TST: variants seen among roughly 807,000 people sequenced by gnomAD.
TST encodes the protein thiosulfate sulfurtransferase.
A neutral mutation model predicts 20.4 loss-of-function variants in TST; 22 were observed. The observed-to-expected ratio is 1.08, with a 90% CI of 0.77 to 1.54. The LOEUF (loss-of-function observed/expected upper bound fraction) is 1.54. TST is among the 40% of genes most tolerant of loss of function. TST has a pLI of 0.00. For missense variants in TST, 392 were observed against 405.2 expected (o/e 0.97, Z 0.28); for synonymous variants, 187 against 173.8 (o/e 1.08, Z -0.60).
rs1372255593 is a variant in TST at position 37,018,066 on chromosome 22, C to G, written c.595+72G>C. On this transcript the variant is annotated intron_variant, in intron 2 of 2. Coordinates refer to ENST00000249042, the MANE Select transcript of TST (RefSeq NM_003312.6). ...CATGGGACGGACCCTGGAGAGGGTC[C>G]CAGTCATCCTTACTCCCTATCCTTC... 47 of 1,206,908 alleles carry G rather than the reference C, an allele frequency of 3.9e-5. 2 individuals carry two copies. In the South Asian group the frequency reaches 7.2e-4, roughly 18 times the overall value. 74.8% of individuals were successfully genotyped at this position (1,206,908 alleles called of 1,614,324 possible).
intron 1 of TST, 109 bp from the exon 2 acceptor site, chr22:37,018,862 G>T: frequency 1.3e-6 from 1 of 791,898 alleles, no homozygotes; most frequent in Non-Finnish European, 1.9e-6. Flanking sequence ...ACTCCCCCGG[G>T]TTCCTTGTTT....
rs1484567217 is a variant in TST, at chr22:37,019,422, G to T, written c.-44C>A. On this transcript the variant is annotated 5_prime_UTR_variant, in exon 1 of 3. Coordinates refer to ENST00000249042, the MANE Select transcript of TST (RefSeq NM_003312.6). ...CACTCGCCCCGGACGCCGCGCTGGC[G>T]CTCGCCCCGGCCGGCTGGAGAAGTT... 3.3e-5 allele frequency: 5 copies of T among 151,524 alleles called. No homozygotes were observed. The highest frequency in any genetic ancestry group is 7.4e-5 in the Non-Finnish European group (5 of 67,894). The allele number at this position is 151,524 out of a possible 1,614,324, so 9.4% of individuals were successfully genotyped here. A position where few individuals can be genotyped will look rare whatever the true frequency, so the allele number is the denominator to read the frequency against.
At position 37,010,992 on chromosome 22, in the gene TST, C is replaced by T. The variant is rs748374992; in HGVS notation, c.*35G>A. On this transcript the variant is annotated 3_prime_UTR_variant, in exon 3 of 3. Transcript: ENST00000249042. Reference sequence around the variant, plus strand: ...GCTGTAAGTCATGGGGTCACTAAACCGGCCGCAGTTACAGTAAGCAGAAGA... The same window carrying T: ...GCTGTAAGTCATGGGGTCACTAAACTGGCCGCAGTTACAGTAAGCAGAAGA... 84 of 1,578,470 alleles carry T rather than the reference C, an allele frequency of 5.3e-5. No homozygotes were observed. The highest frequency in any genetic ancestry group is 6.4e-5 in the Non-Finnish European group (74 of 1,159,184).
At chr22:37,011,792 C>T (rs983329201) in intron 2 of TST, among the ~76,000 whole-genome samples, 6 of 152,194 alleles carry the variant, frequency 3.9e-5, no homozygotes, top group Non-Finnish European at 5.9e-5. Context: ...CTGGGAGATT[C>T]CAGTCTAACA....
At chr22:37,016,492 G>T (rs550542133) in intron 2 of TST, among the ~76,000 whole-genome samples, 32 of 152,202 alleles carry the variant, frequency 2.1e-4, no homozygotes, top group African/African-American at 7.7e-4. Context: ...CCCACTGCAG[G>T]CCATTCTCCT....
intron 2 of TST, among the ~76,000 whole-genome samples, chr22:37,012,376 G>T (rs962844222): frequency 6.6e-6 from 1 of 152,222 alleles, no homozygotes; most frequent in South Asian, 2.1e-4. Context: ...TGGGGCAAAG[G>T]GGAAAGCCAT....
chr22:37,015,294 C>G (rs1053261714), intron 2 of TST, among the ~76,000 whole-genome samples: 2 of 152,234 alleles, frequency 1.3e-5, no homozygotes, highest in Non-Finnish European at 2.9e-5. Context: ...TGCTCATTAG[C>G]GGGTCGATAC....
chr22:37,014,638 A>T (rs1922608609), intron 2 of TST, among the ~76,000 whole-genome samples: 1 of 152,116 alleles, frequency 6.6e-6, no homozygotes, highest in African/African-American at 2.4e-5. Context: ...CAGAGAGGTG[A>T]TGTCGCTTGC....
At chr22:37,017,937 A>C (rs1167228748) in intron 2 of TST, among the ~76,000 whole-genome samples, 2 of 152,180 alleles carry the variant, frequency 1.3e-5, no homozygotes, top group Non-Finnish European at 2.9e-5. Context: ...ATGAGGACAC[A>C]TTCTTGGGTC....
chr22:37,017,645 G>A (rs1922728792), intron 2 of TST, among the ~76,000 whole-genome samples: 11 of 151,850 alleles, frequency 7.2e-5, no homozygotes, highest in Admixed American at 6.6e-4. Flanking sequence ...CAAACAGCAG[G>A]CAGGGGCCCC....
chr22:37,018,715 G>T lies in TST; in HGVS notation c.18C>A (p.Leu6=). The T allele has an allele frequency of 6.6e-7, 1 of 1,504,758 alleles. No individual in the cohort carries two copies. Among genetic ancestry groups the T allele is most frequent in the South Asian group, 1.3e-5 (1 of 75,842 alleles). 93.2% of individuals were successfully genotyped at this position (1,504,758 alleles called of 1,614,324 possible). Residue 6 remains leucine, a synonymous_variant, in exon 2 of 3, where the codon CTC becomes CTA. Transcript: ENST00000249042. MVHQV[L]YRALVSTKWL... ...ACTTGGTGGAGACCAGCGCCCGGTAGAGCACCTGATGAACCATGGCTTCAG... is the reference window on the plus strand; with the variant it reads ...ACTTGGTGGAGACCAGCGCCCGGTATAGCACCTGATGAACCATGGCTTCAG...
At chr22:37,017,908 G>A (rs1298701153) in intron 2 of TST, among the ~76,000 whole-genome samples, 1 of 152,190 alleles carries the variant, frequency 6.6e-6, no homozygotes, top group Non-Finnish European at 1.5e-5. Context: ...GATGCTAGGT[G>A]GCTTCTTAGC....
At chr22:37,019,305 C>A (rs899386927) in intron 1 of TST, 95 bp downstream of exon 1, 45 of 151,884 alleles carry the variant, frequency 3.0e-4, no homozygotes, top group African/African-American at 1.1e-3. Context: ...TCCCGGGGCA[C>A]CCCGTCCCAC....
upstream of TST, chr22:37,020,111 C>T (rs555860952): frequency 7.5e-4 from 290 of 387,018 alleles, no homozygotes; most frequent in African/African-American, 5.8e-3. Flanking sequence ...CTGGTGGCAC[C>T]AGAGAGGGCG....
At chr22:37,014,384 C>T (rs375393094) in intron 2 of TST, among the ~76,000 whole-genome samples, 1 of 151,776 alleles carries the variant, frequency 6.6e-6, no homozygotes, top group Non-Finnish European at 1.5e-5. Context: ...AACAAACAAA[C>T]AAACAAAAAG....
intron 2 of TST, among the ~76,000 whole-genome samples, chr22:37,013,975 G>A (rs767243560): frequency 3.9e-5 from 6 of 152,198 alleles, no homozygotes; most frequent in Admixed American, 6.5e-5. Flanking sequence ...GGGCCAGCTG[G>A]ACGGGGTGAA....
At chr22:37,019,002 A>G (rs373487481) in intron 1 of TST, 14 of 387,584 alleles carry the variant, frequency 3.6e-5, no homozygotes, top group Non-Finnish European at 6.0e-5. Context: ...GTTTCCGAGG[A>G]CTCCAAGTAG....
intron 2 of TST, among the ~76,000 whole-genome samples, chr22:37,014,735 G>C (rs1212101916): frequency 6.6e-6 from 1 of 152,234 alleles, no homozygotes; most frequent in South Asian, 2.1e-4. Context: ...TGGAAAAGGA[G>C]ACTGAGGCTG....
rs1314470757 is a variant in TST, at chr22:37,018,593, T to C, written c.140A>G (p.Glu47Gly). The C allele has an allele frequency of 7.0e-6, 11 of 1,564,146 alleles. No individual in the cohort carries two copies. The highest frequency in any genetic ancestry group is 2.3e-5 in the South Asian group (2 of 85,746). ...GCCGGGTACGTGGCGCTCGAGGTAC[T>C]CCTTGCGGGCCTCTCGGGTGCCTGG... is the stretch of plus-strand genomic sequence containing the variant. ...YSPGTREARK[E>G]YLERHVPGAS... Residue 47 changes from glutamate (E) to glycine (G), a missense_variant, in exon 2 of 3, where the codon GAG (glutamate) becomes GGG (glycine). Transcript: ENST00000249042.
Sources: gnomAD v4.1 joint callset for allele counts (sites outside exome capture counted in the v4.1 genomes callset) on GRCh38, gnomAD v4.1.1 for gene constraint, MANE v1.5 for transcripts, NCBI Gene and HGNC (gene_info 2026-07-23, HGNC 2026-07-21) for gene names.